Variants in GPR137C observed in about 807,000 individuals in gnomAD.
GPR137C encodes the protein integral membrane protein GPR137C.
GPR137C carries 27 observed loss-of-function variants against 43.4 expected under a neutral mutation model. The ratio of observed to expected loss-of-function variants is 0.62; its 90% CI spans 0.46 to 0.86. The LOEUF (loss-of-function observed/expected upper bound fraction) is 0.86, where lower values mean the gene tolerates loss of function less well. Among genes scored for constraint, GPR137C ranks in the 40% least tolerant of loss-of-function variants. The pLI, the probability that GPR137C is intolerant of heterozygous loss-of-function variation, is 0.00. For missense variants in GPR137C, 522 were observed against 534.6 expected (o/e 0.98, Z 0.23); for synonymous variants, 285 against 226.9 (o/e 1.26, Z -2.30).
At chr14:52,564,717 A>G (rs2038340429) in intron 1 of GPR137C, among the ~76,000 whole-genome samples, 3 of 152,178 alleles carry the variant, frequency 2.0e-5, no homozygotes, top group Admixed American at 2.0e-4. Flanking sequence ...TAAGCACTAT[A>G]GGAATAAGGA....
chr14:52,633,709 C>T (rs1353195799), intron 5 of GPR137C, 54 bp downstream of exon 5: 8 of 1,580,302 alleles, frequency 5.1e-6, no homozygotes, highest in Non-Finnish European at 6.9e-6. Flanking sequence ...AATTATGGAA[C>T]ATTTATATTG....
rs1177941185 is a variant in GPR137C, at chr14:52,596,552, G to C, written c.445-1720G>C. On this transcript the variant is annotated intron_variant, in intron 1 of 6. Transcript: ENST00000321662. ...TGGTGGATGCCCCTCCCCCTGCTGGGCTGCAGTGTTGCAGGTGGATCTCAG... is the reference window on the plus strand; with the variant it reads ...TGGTGGATGCCCCTCCCCCTGCTGGCCTGCAGTGTTGCAGGTGGATCTCAG... Among the ~76,000 whole-genome samples, 5 of 152,318 alleles carry C rather than the reference G, an allele frequency of 3.3e-5. No individual in the cohort carries two copies. In the South Asian group the frequency reaches 1.0e-3, roughly 32 times the overall value.
intron 2 of GPR137C, among the ~76,000 whole-genome samples, chr14:52,599,434 C>CTTTTTTTTT (rs376009711): frequency 1.4e-5 from 2 of 139,728 alleles, no homozygotes; most frequent in Non-Finnish European, 3.1e-5. Flanking sequence ...TTTTTTTTTC[C>CTTTTTTTTT]TTTTTTTTTT....
chr14:52,561,552 C>T (rs1018121058), intron 1 of GPR137C, among the ~76,000 whole-genome samples: 1 of 152,124 alleles, frequency 6.6e-6, no homozygotes, highest in Non-Finnish European at 1.5e-5. Context: ...TAGCTTTATT[C>T]ACAAAAACTC....
intron 1 of GPR137C, among the ~76,000 whole-genome samples, chr14:52,563,746 C>T (rs982378592): frequency 6.6e-6 from 1 of 152,210 alleles, no homozygotes; most frequent in Middle Eastern, 3.4e-3. Context: ...GTGAGTCCTT[C>T]TCAATATTCT....
intron 1 of GPR137C, among the ~76,000 whole-genome samples, chr14:52,566,336 A>G (rs2038369681): frequency 6.6e-6 from 1 of 152,208 alleles, no homozygotes; most frequent in African/African-American, 2.4e-5. Context: ...CTCCTCAGCT[A>G]CTATGTAGGA....
chr14:52,576,072 GTGGCCCAA>G (rs1372056853), intron 1 of GPR137C, among the ~76,000 whole-genome samples: 1 of 152,164 alleles, frequency 6.6e-6, no homozygotes, highest in Non-Finnish European at 1.5e-5. Flanking sequence ...CTGATACTAT[GTGGCCCAA>G]GGCTGCACCG....
chr14:52,617,943 A>T (rs1255587604), intron 3 of GPR137C, among the ~76,000 whole-genome samples: 3 of 152,206 alleles, frequency 2.0e-5, no homozygotes, highest in Non-Finnish European at 4.4e-5. Flanking sequence ...CTACCACTAA[A>T]AAATTGCTTA....
chr14:52,563,693 C>T (rs1594780399), intron 1 of GPR137C, among the ~76,000 whole-genome samples: 1 of 152,128 alleles, frequency 6.6e-6, no homozygotes. Context: ...TCCCCATTTC[C>T]GTGACTAGTA....
chr14:52,563,052 C>T (rs1268687962), intron 1 of GPR137C, among the ~76,000 whole-genome samples: 3 of 152,188 alleles, frequency 2.0e-5, no homozygotes, highest in African/African-American at 2.4e-5. Context: ...GCCTATGGCT[C>T]ACAGTGACCT....
intron 1 of GPR137C, among the ~76,000 whole-genome samples, chr14:52,574,347 A>G (rs1021736302): frequency 6.6e-6 from 1 of 152,238 alleles, no homozygotes; most frequent in African/African-American, 2.4e-5. Flanking sequence ...GACTGGATAA[A>G]GAAAATGTGG....
chr14:52,577,509 C>T (rs946500336), intron 1 of GPR137C, among the ~76,000 whole-genome samples: 53 of 130,266 alleles, frequency 4.1e-4, no homozygotes, highest in South Asian at 8.0e-4. Flanking sequence ...CACGCGTGCG[C>T]GCGCGCGCAC....
Position 52,583,726 on chromosome 14 carries a change from G to A in GPR137C, c.445-14546G>A, listed in dbSNP as rs929470373. Among the ~76,000 whole-genome samples, 3 of 152,084 alleles carry A rather than the reference G, an allele frequency of 2.0e-5. 1 individual carries two copies. Among genetic ancestry groups the A allele is most frequent in the African/African-American group, 7.2e-5 (3 of 41,436 alleles). On this transcript the variant is annotated intron_variant, in intron 1 of 6. Coordinates refer to ENST00000321662, the MANE Select transcript of GPR137C (RefSeq NM_001099652.2). ...CCATCTGATTAGATCATCATTGGCT[G>A]TAATAATAACTTCCACCTTCCTGGA...
At position 52,633,646 on chromosome 14, in the gene GPR137C, C is replaced by G; in HGVS notation, c.984C>G (p.Asn328Lys). ...VVLFFRAQRLNQNLAPAGMIN... is the reference protein window; with the variant it reads ...VVLFFRAQRLKQNLAPAGMIN... ...TGTTTTTCCGGGCACAGAGATTAAA[C>G]CAGAATTTGGTATGATATAATATTC... The change falls in exon 5 of 7, where the codon AAC (asparagine) becomes AAG (lysine). Residue 328 changes from asparagine (N) to lysine (K), a missense_variant. Around this residue, in one of 3 missense-constraint regions of GPR137C, gnomAD observed 437 missense variants for 425.7 expected, o/e 1.03. Coordinates refer to ENST00000321662, the MANE Select transcript of GPR137C (RefSeq NM_001099652.2). 6.2e-7 allele frequency: 1 copy of G among 1,612,982 alleles called. No individual in the cohort carries two copies. The highest frequency in any genetic ancestry group is 1.3e-5 in the African/African-American group (1 of 74,962).
chr14:52,556,385 T>C (rs1415957178), intron 1 of GPR137C, among the ~76,000 whole-genome samples: 1 of 107,732 alleles, frequency 9.3e-6, no homozygotes. Flanking sequence ...CCTCAACCCC[T>C]TTTTTCTTTT....
chr14:52,569,647 A>C (rs929610594), intron 1 of GPR137C, among the ~76,000 whole-genome samples: 5 of 151,906 alleles, frequency 3.3e-5, no homozygotes, highest in African/African-American at 1.2e-4. Context: ...TGAAGCATAC[A>C]CAAGTATCAA....
chr14:52,559,876 C>T (rs1219673630), intron 1 of GPR137C, among the ~76,000 whole-genome samples: 2 of 152,112 alleles, frequency 1.3e-5, no homozygotes, highest in African/African-American at 4.8e-5. Flanking sequence ...AAAAATTCCA[C>T]TTGGCAGGGC....
At chr14:52,558,469 G>A (rs1050713505) in intron 1 of GPR137C, among the ~76,000 whole-genome samples, 3 of 152,196 alleles carry the variant, frequency 2.0e-5, no homozygotes, top group Non-Finnish European at 2.9e-5. Context: ...TTCTGTGATT[G>A]AGAGGAGCAG....
Position 52,553,807 on chromosome 14 carries a change from G to GGTGA in GPR137C, c.444+228_444+231dup, listed in dbSNP as rs1004351109. ...GATTACTGAGGGGTTCGGGCTAGGG[G>GGTGA]GTGAGTGAGTGAGTGTGTGTGTCTG... is the stretch of plus-strand genomic sequence containing the variant. On this transcript the variant is annotated intron_variant, in intron 1 of 6. Transcript: ENST00000321662. Among the ~76,000 whole-genome samples the GGTGA allele has an allele frequency of 9.2e-5, 14 of 152,300 alleles. 1 individual carries two copies. The highest frequency in any genetic ancestry group is 6.2e-4 in the South Asian group (3 of 4,826).
Sources: gnomAD v4.1 joint callset for allele counts (sites outside exome capture counted in the v4.1 genomes callset) on GRCh38, gnomAD v4.1.1 for gene constraint, gnomAD v4.1.1 regional missense constraint, MANE v1.5 for transcripts, NCBI Gene and HGNC (gene_info 2026-07-23, HGNC 2026-07-21) for gene names.